Variants in NRG3 observed in about 807,000 individuals in gnomAD.
NRG3 encodes pro-neuregulin-3, membrane-bound isoform.
A neutral mutation model predicts 66.9 loss-of-function variants in NRG3; 31 were observed. The observed-to-expected ratio is 0.46, with a 90% CI of 0.35 to 0.63. The LOEUF (loss-of-function observed/expected upper bound fraction) is 0.63, where lower values mean the gene tolerates loss of function less well. Ranked by LOEUF, NRG3 falls within the 20% of genes least tolerant of loss-of-function variation. The pLI is 0.00. For missense variants in NRG3, 910 were observed against 878.9 expected (o/e 1.04, Z -0.45); for synonymous variants, 393 against 359.4 (o/e 1.09, Z -1.06).
At chr10:81,998,478 C>G (rs1398959778) in intron 1 of NRG3, among the ~76,000 whole-genome samples, 1 of 152,076 alleles carries the variant, frequency 6.6e-6, no homozygotes, top group Non-Finnish European at 1.5e-5. Flanking sequence ...GTAGTGTGGA[C>G]CAGTGGACAT....
chr10:82,664,452 G>T (rs549418439), intron 2 of NRG3, among the ~76,000 whole-genome samples: 2 of 152,122 alleles, frequency 1.3e-5, no homozygotes, highest in South Asian at 2.1e-4. Context: ...TTTAATTATT[G>T]GGGAAAAGGC....
chr10:82,239,718 A>G (rs944279135), intron 1 of NRG3, among the ~76,000 whole-genome samples: 1 of 151,920 alleles, frequency 6.6e-6, no homozygotes, highest in East Asian at 1.9e-4. Flanking sequence ...AGTCATAAAG[A>G]TATTTTCTCA....
At chr10:82,934,424 G>A (rs1002300582) in intron 4 of NRG3, among the ~76,000 whole-genome samples, 2 of 152,188 alleles carry the variant, frequency 1.3e-5, no homozygotes, top group Non-Finnish European at 2.9e-5. Context: ...TGTATGGATT[G>A]TCTTGCTTCT....
chr10:82,684,075 A>G (rs1000046118), intron 2 of NRG3, among the ~76,000 whole-genome samples: 2 of 152,196 alleles, frequency 1.3e-5, no homozygotes, highest in African/African-American at 4.8e-5. Context: ...AGATCTCACT[A>G]AACAATAAAG....
At chr10:82,819,965 G>A (rs370939167) in intron 3 of NRG3, among the ~76,000 whole-genome samples, 1 of 152,170 alleles carries the variant, frequency 6.6e-6, no homozygotes, top group East Asian at 1.9e-4. Flanking sequence ...ATTTTAGAGG[G>A]GGATACACAG....
At chr10:82,742,358 C>T (rs2058463413) in intron 3 of NRG3, among the ~76,000 whole-genome samples, 2 of 152,112 alleles carry the variant, frequency 1.3e-5, no homozygotes, top group East Asian at 1.9e-4. Flanking sequence ...GAGCTGGGTC[C>T]TCAGACTGTT....
At chr10:82,171,584 T>C (rs139204626) in intron 1 of NRG3, among the ~76,000 whole-genome samples, 1 of 152,190 alleles carries the variant, frequency 6.6e-6, no homozygotes. Context: ...AGTATTACAG[T>C]TCAAGTTAGT....
intron 1 of NRG3, among the ~76,000 whole-genome samples, chr10:82,279,224 T>C (rs895875595): frequency 6.6e-6 from 1 of 152,136 alleles, no homozygotes. Context: ...GCCATTTGAC[T>C]CAAACTGTGC....
At chr10:82,373,206 A>G (rs577954290) in intron 2 of NRG3, among the ~76,000 whole-genome samples, 15 of 152,374 alleles carry the variant, frequency 9.8e-5, no homozygotes, top group African/African-American at 3.4e-4. Context: ...CAGAGATCAG[A>G]GAAAGAAAGT....
At chr10:82,711,262 A>T (rs1305582816) in intron 2 of NRG3, among the ~76,000 whole-genome samples, 1 of 151,472 alleles carries the variant, frequency 6.6e-6, no homozygotes. Flanking sequence ...TTTTATTTTT[A>T]TTTTTTTAGA....
At chr10:81,938,312 G>A (rs1443618706) in intron 1 of NRG3, among the ~76,000 whole-genome samples, 2 of 151,502 alleles carry the variant, frequency 1.3e-5, no homozygotes, top group African/African-American at 2.4e-5. Flanking sequence ...ATCTCTTTGG[G>A]TAGTATAGAC....
chr10:82,667,661 A>G (rs1197872713), intron 2 of NRG3, among the ~76,000 whole-genome samples: 1 of 152,118 alleles, frequency 6.6e-6, no homozygotes, highest in Non-Finnish European at 1.5e-5. Context: ...CCCCCAGCCA[A>G]GTGATATTAA....
intron 3 of NRG3, among the ~76,000 whole-genome samples, chr10:82,744,060 G>T (rs1308170936): frequency 1.3e-5 from 2 of 152,184 alleles, no homozygotes; most frequent in Admixed American, 6.5e-5. Flanking sequence ...AATTCCATGG[G>T]CATCCAGCTT....
At chr10:82,232,949 G>A (rs1204212436) in intron 1 of NRG3, 1 of 658,818 alleles carries the variant, frequency 1.5e-6, no homozygotes, top group Non-Finnish European at 2.8e-6. Context: ...CTAGTTGCCT[G>A]GTACCTGGCC....
chr10:82,814,898 G>A (rs2061641015), intron 3 of NRG3, among the ~76,000 whole-genome samples: 1 of 152,084 alleles, frequency 6.6e-6, no homozygotes, highest in Admixed American at 6.6e-5. Context: ...TGTGCCACCT[G>A]AGACTGTATC....
intron 1 of NRG3, among the ~76,000 whole-genome samples, chr10:82,319,299 A>G (rs1328692668): frequency 2.0e-5 from 3 of 152,186 alleles, no homozygotes; most frequent in Admixed American, 2.0e-4. Flanking sequence ...CGGATTAGTC[A>G]ATCGCTTTTT....
chr10:81,925,994 A>C (rs1213664718), intron 1 of NRG3, among the ~76,000 whole-genome samples: 3 of 152,196 alleles, frequency 2.0e-5, no homozygotes, highest in African/African-American at 7.2e-5. Flanking sequence ...ATGTTCAGCT[A>C]TAGGAAAAAT....
intron 4 of NRG3, among the ~76,000 whole-genome samples, chr10:82,949,284 A>C (rs1849301051): frequency 6.6e-6 from 1 of 151,900 alleles, no homozygotes; most frequent in Admixed American, 6.6e-5. Flanking sequence ...TTATTTCCTA[A>C]AATTTATTAA....
At chr10:82,018,502 T>A (rs1406661796) in intron 1 of NRG3, among the ~76,000 whole-genome samples, 3 of 152,218 alleles carry the variant, frequency 2.0e-5, no homozygotes, top group Admixed American at 6.5e-5. Context: ...GGGGATGGCA[T>A]CGAATCTATA....
Sources: allele counts gnomAD v4.1 joint callset (sites outside exome capture counted in the v4.1 genomes callset), GRCh38; gene constraint gnomAD v4.1.1; transcripts MANE v1.5; gene names NCBI Gene and HGNC (gene_info 2026-07-23, HGNC 2026-07-21).